The following DNM1 variants were observed in gnomAD, a reference collection of about 807,000 sequenced individuals.
DNM1 encodes the protein dynamin-1.
A neutral mutation model predicts 104.6 loss-of-function variants in DNM1; 29 were observed. The ratio of observed to expected loss-of-function variants is 0.28; its 90% CI spans 0.21 to 0.38. The LOEUF is 0.38. Among genes scored for constraint, DNM1 ranks in the 10% least tolerant of loss-of-function variants. The probability of loss-of-function intolerance (pLI) is 1.00; values close to 1 mark genes in which losing one functional copy is unlikely to be tolerated. For synonymous variants in DNM1, 445 were observed against 475.8 expected, an observed-to-expected ratio of 0.94 and a Z score of 0.84; for missense variants, 640 against 1,189.4, an observed-to-expected ratio of 0.54 and a Z score of 6.79.
Position 128,248,243 on chromosome 9 carries a change from C to T in DNM1, c.1905+308C>T, listed in dbSNP as rs1028064614. On this transcript the variant is annotated intron_variant, in intron 18 of 21. Transcript: ENST00000372923. This position sits in a 1 kb window ranked among gnomAD's most constrained non-coding sequence, Gnocchi z 5.6. ...TCAGGAGGCTGAGGCAGGAGAATCG[C>T]TTGAACCCAGGAGGAGGTTGCAATG... is the stretch of plus-strand genomic sequence containing the variant. 2.8e-5 allele frequency: 14 copies of T among 507,202 alleles called. No homozygotes were observed. Among genetic ancestry groups the T allele is most frequent in the Non-Finnish European group, 4.6e-5 (13 of 281,512 alleles). 31.4% of individuals were successfully genotyped at this position (507,202 alleles called of 1,614,324 possible). A position where few individuals can be genotyped will look rare whatever the true frequency, so the allele number is the denominator to read the frequency against.
intron 11 of DNM1, among the ~76,000 whole-genome samples, chr9:128,235,296 C>T (rs1280107347): frequency 2.6e-5 from 4 of 152,082 alleles, no homozygotes; most frequent in Middle Eastern, 6.8e-3. Context: ...GAGTTTGAGA[C>T]CAGCCTGGCC....
In DNM1 at chr9:128,253,864, C is replaced by T. The variant is rs1020149290; in HGVS notation, c.2535-790C>T. The T allele has an allele frequency of 4.2e-6, 5 of 1,203,306 alleles. No individual in the cohort carries two copies. The highest frequency in any genetic ancestry group is 4.2e-5 in the Admixed American group (1 of 23,580). The allele number at this position is 1,203,306 out of a possible 1,614,324, so 74.5% of individuals were successfully genotyped here. A position where few individuals can be genotyped will look rare whatever the true frequency, so the allele number is the denominator to read the frequency against. On this transcript the variant is annotated intron_variant, in intron 21 of 21. Coordinates refer to ENST00000372923, the MANE Select transcript of DNM1 (RefSeq NM_004408.4). The surrounding 1 kb of genome is among the most constrained non-coding windows in gnomAD (Gnocchi z 5.9). Reference sequence around the variant, plus strand: ...GCACCGTAGCCAGCCAGCGGGCTCACGCACCTTGGCCTGTTGCTCCTAGGG... The same window carrying T: ...GCACCGTAGCCAGCCAGCGGGCTCATGCACCTTGGCCTGTTGCTCCTAGGG...
rs780722373 is a variant in DNM1 at position 128,220,095 on chromosome 9, G to A, written c.688+9G>A. ...GCTCCCCCTGCGCAGAGGTAAGCAG[G>A]CCATGCCCCTCAACCACTCCCCAGC... On this transcript the variant is annotated intron_variant, in intron 5 of 21. Transcript: ENST00000372923. This position sits in a 1 kb window ranked among gnomAD's most constrained non-coding sequence, Gnocchi z 5.2. The A allele has an allele frequency of 1.2e-6, 2 of 1,612,882 alleles. No individual in the cohort carries two copies. The highest frequency in any genetic ancestry group is 1.3e-5 in the African/African-American group (1 of 74,890).
intron 20 of DNM1, 42 bp downstream of exon 20, chr9:128,250,398 G>C: frequency 6.6e-7 from 1 of 1,519,600 alleles, no homozygotes; most frequent in Non-Finnish European, 8.8e-7. Context: ...CCCCCAGCCC[G>C]GGGCCCGCGG....
chr9:128,238,902 A>ACCT (rs1165015842), intron 11 of DNM1, among the ~76,000 whole-genome samples: 1 of 151,424 alleles, frequency 6.6e-6, no homozygotes, highest in East Asian at 1.9e-4. Context: ...TGATCCACCC[A>ACCT]CCTCGGCCTC....
chr9:128,242,972 G>A (rs143749847), intron 15 of DNM1, among the ~76,000 whole-genome samples: 6 of 152,230 alleles, frequency 3.9e-5, no homozygotes, highest in Admixed American at 1.3e-4. Context: ...CTGTTTTCCC[G>A]CTGCAGGGCG....
intron 1 of DNM1, among the ~76,000 whole-genome samples, chr9:128,208,050 T>C (rs1376723200): frequency 1.3e-5 from 2 of 148,784 alleles, no homozygotes; most frequent in Non-Finnish European, 3.0e-5. Flanking sequence ...CTCCCCATTC[T>C]TTTTTTTCTT....
rs749275916 is a variant in DNM1, at chr9:128,244,672, T to A, written c.1672-1722T>A. On this transcript the variant is annotated intron_variant, in intron 15 of 21. Coordinates refer to ENST00000372923, the MANE Select transcript of DNM1 (RefSeq NM_004408.4). The stretch of plus-strand genomic sequence containing the variant: ...CCAACCCCCTGGCTCCAGGCTCCGG[T>A]TCTGGGATGGCAGGCAGGGGTCGGT... 8.0e-6 allele frequency: 4 copies of A among 497,700 alleles called. No homozygotes were observed. The East Asian group carries it at 2.3e-4, about 28-fold the overall frequency. 30.8% of individuals were successfully genotyped at this position (497,700 alleles called of 1,614,324 possible). A position where few individuals can be genotyped will look rare whatever the true frequency, so the allele number is the denominator to read the frequency against.
rs1836271037 is a variant in DNM1 at position 128,240,070 on chromosome 9, A to G, written c.1557+74A>G. The G allele has an allele frequency of 1.0e-5, 16 of 1,567,368 alleles. No individual in the cohort carries two copies. The highest frequency in any genetic ancestry group is 1.4e-5 in the Non-Finnish European group (16 of 1,138,374). On this transcript the variant is annotated intron_variant, in intron 14 of 21. Coordinates refer to ENST00000372923, the MANE Select transcript of DNM1 (RefSeq NM_004408.4). This position sits in a 1 kb window ranked among gnomAD's most constrained non-coding sequence, Gnocchi z 5.1. ...GGTCCATCGGCAGTGGGGATCTGCAACGGGTAGGAGGGCACCCTTTGGCTG... is the reference window on the plus strand; with the variant it reads ...GGTCCATCGGCAGTGGGGATCTGCAGCGGGTAGGAGGGCACCCTTTGGCTG...
Position 128,219,122 on chromosome 9 carries a change from G to A in DNM1, c.459G>A (p.Glu153=), listed in dbSNP as rs1588352483. 1 of 1,614,174 alleles carries A rather than the reference G, an allele frequency of 6.2e-7. No individual in the cohort carries two copies. Among genetic ancestry groups the A allele is most frequent in the Non-Finnish European group, 8.5e-7 (1 of 1,180,052 alleles). ...VPVGDQPPDI[E]FQIRDMLMQF... ...TGGGGGACCAACCTCCCGACATCGA[G>A]TTCCAGATCCGAGACATGCTTATGC... Residue 153 remains glutamate, a synonymous_variant, in exon 4 of 22, where the codon GAG becomes GAA. Transcript: ENST00000372923.
intron 1 of DNM1, chr9:128,204,265 G>A (rs1833739654): frequency 6.6e-6 from 1 of 152,456 alleles, no homozygotes; most frequent in Admixed American, 6.5e-5. Context: ...GGGAAGAGGG[G>A]AGGAGAAACC....
In DNM1 at chr9:128,222,702, T is replaced by A; in HGVS notation, c.1129-91T>A. 6.3e-7 allele frequency: 1 copy of A among 1,596,696 alleles called. No homozygotes were observed. Among genetic ancestry groups the A allele is most frequent in the East Asian group, 2.2e-5 (1 of 44,734 alleles). On this transcript the variant is annotated intron_variant, in intron 8 of 21. Transcript: ENST00000372923. The surrounding 1 kb of genome is among the most constrained non-coding windows in gnomAD (Gnocchi z 7.8). ...CTGGCCCCCACCCCACAGGCCCTGA[T>A]GCCCAGCCCTAGGTGTGGGGTGGGC...
chr9:128,214,493 C>T (rs1834489724), intron 1 of DNM1, among the ~76,000 whole-genome samples: 1 of 152,184 alleles, frequency 6.6e-6, no homozygotes, highest in Non-Finnish European at 1.5e-5. Flanking sequence ...GGGTCATTTG[C>T]ATTCAGCAGG....
intron 1 of DNM1, among the ~76,000 whole-genome samples, chr9:128,207,468 C>A (rs1303148755): frequency 6.6e-6 from 1 of 152,104 alleles, no homozygotes. Context: ...GTCCCTCCAG[C>A]TCCTCTTTGT....
At chr9:128,234,847 CA>C (rs1435711981) in intron 11 of DNM1, 1 of 152,094 alleles carries the variant, frequency 6.6e-6, no homozygotes, top group Non-Finnish European at 1.5e-5. Flanking sequence ...GGCTGGAGTA[CA>C]GTGGCATGAA....
chr9:128,252,530 C>T (rs1829591796), intron 21 of DNM1: 2 of 387,786 alleles, frequency 5.2e-6, no homozygotes, highest in South Asian at 3.8e-5. Context: ...GCAACGAGGA[C>T]AGCCACTGGA....
At chr9:128,206,225 C>T (rs765007993) in intron 1 of DNM1, among the ~76,000 whole-genome samples, 9 of 152,112 alleles carry the variant, frequency 5.9e-5, no homozygotes, top group Non-Finnish European at 1.2e-4. Context: ...GAAAATGCAT[C>T]AGGGCTGCCC....
intron 6 of DNM1, among the ~76,000 whole-genome samples, chr9:128,221,544 A>G (rs958385465): frequency 1.5e-4 from 23 of 152,176 alleles, no homozygotes; most frequent in Admixed American, 1.3e-4. Flanking sequence ...GGAGGCTTTA[A>G]ACCCAGAGGG....
At chr9:128,205,566 G>A (rs943463737) in intron 1 of DNM1, among the ~76,000 whole-genome samples, 2 of 152,156 alleles carry the variant, frequency 1.3e-5, no homozygotes, top group South Asian at 2.1e-4. Context: ...TCTGACAGCC[G>A]GGTCCTGCAC....
Sources: allele counts gnomAD v4.1 joint callset (sites outside exome capture counted in the v4.1 genomes callset), GRCh38; gene constraint gnomAD v4.1.1; non-coding constraint Gnocchi (gnomAD v3.1); transcripts MANE v1.5; gene names NCBI Gene and HGNC (gene_info 2026-07-23, HGNC 2026-07-21).